Variants in C8A observed in about 807,000 individuals in gnomAD.
C8A encodes complement component C8 alpha chain.
A neutral mutation model predicts 65.3 loss-of-function variants in C8A; 67 were observed. The observed-to-expected ratio is 1.03, with a 90% CI of 0.84 to 1.26. The LOEUF (loss-of-function observed/expected upper bound fraction) is 1.26. Ranked by LOEUF, C8A falls within the 50% of genes most tolerant of loss-of-function variation. The pLI is 0.00. For synonymous variants in C8A, 290 were observed against 259.4 expected (o/e 1.12, Z -1.13); for missense variants, 781 against 723.9 (o/e 1.08, Z -0.90).
At chr1:56,907,742 C>G (rs1217290159) in intron 8 of C8A, among the ~76,000 whole-genome samples, 1 of 152,222 alleles carries the variant, frequency 6.6e-6, no homozygotes, top group Admixed American at 6.5e-5. Flanking sequence ...GGGCTGTCCT[C>G]TCAGTATTTC....
At chr1:56,899,027 C>G (rs1466066885) in intron 7 of C8A, among the ~76,000 whole-genome samples, 1 of 152,130 alleles carries the variant, frequency 6.6e-6, no homozygotes, top group African/African-American at 2.4e-5. Flanking sequence ...CCCGAACAGA[C>G]AGTCACTAGA....
chr1:56,855,403 T>C (rs1156303601), intron 1 of C8A, among the ~76,000 whole-genome samples: 2 of 152,160 alleles, frequency 1.3e-5, no homozygotes, highest in Non-Finnish European at 2.9e-5. Flanking sequence ...CTTTCTTATC[T>C]GTAAAAGAGC....
chr1:56,912,675 G>T (rs757554878), intron 10 of C8A, 50 bp downstream of exon 10: 7 of 1,566,592 alleles, frequency 4.5e-6, no homozygotes, highest in Non-Finnish European at 5.3e-6. Context: ...AGCTCAAAGG[G>T]GCCAGTGCAA....
intron 9 of C8A, among the ~76,000 whole-genome samples, chr1:56,909,631 A>T (rs540923952): frequency 3.3e-5 from 5 of 152,330 alleles, no homozygotes; most frequent in African/African-American, 9.6e-5. Context: ...CATTTGGAGA[A>T]GACCACTACA....
intron 7 of C8A, among the ~76,000 whole-genome samples, chr1:56,901,185 A>ATAGACTATTAGATTCTC (rs1644424160): frequency 6.6e-6 from 1 of 152,172 alleles, no homozygotes; most frequent in Admixed American, 6.5e-5. Flanking sequence ...ATGATAGAAA[A>ATAGACTATTAGATTCTC]TAGACTATTA....
At chr1:56,916,446 T>C (rs1330192365) in intron 10 of C8A, among the ~76,000 whole-genome samples, 1 of 152,120 alleles carries the variant, frequency 6.6e-6, no homozygotes, top group African/African-American at 2.4e-5. Flanking sequence ...AACCTTTGCC[T>C]ATGGAGACTG....
chr1:56,877,017 G>A (rs1002813570), intron 4 of C8A, among the ~76,000 whole-genome samples: 3 of 152,122 alleles, frequency 2.0e-5, no homozygotes, highest in Non-Finnish European at 2.9e-5. Flanking sequence ...CATAGGGTAG[G>A]ACCCTAATTC....
intron 7 of C8A, among the ~76,000 whole-genome samples, chr1:56,905,498 G>A (rs753343515): frequency 7.2e-5 from 11 of 152,024 alleles, no homozygotes; most frequent in African/African-American, 1.2e-4. Context: ...TACTGAACAC[G>A]GCACACACCA....
intron 9 of C8A, among the ~76,000 whole-genome samples, chr1:56,908,391 A>G (rs1044259970): frequency 1.4e-4 from 22 of 152,338 alleles, no homozygotes; most frequent in Middle Eastern, 3.4e-3. Context: ...CATTAGGCAA[A>G]TCATGATTTT....
intron 7 of C8A, among the ~76,000 whole-genome samples, chr1:56,888,530 G>A (rs1644318945): frequency 1.3e-5 from 2 of 151,948 alleles, no homozygotes; most frequent in South Asian, 4.2e-4. Flanking sequence ...AACAACAAAG[G>A]ACAGAATAGA....
At chr1:56,889,035 C>T (rs778384418) in intron 7 of C8A, among the ~76,000 whole-genome samples, 1 of 151,918 alleles carries the variant, frequency 6.6e-6, no homozygotes, top group African/African-American at 2.4e-5. Context: ...ATCTGGTGGC[C>T]CCTCCTCTTT....
intron 1 of C8A, among the ~76,000 whole-genome samples, chr1:56,867,040 T>C (rs1011172207): frequency 6.6e-5 from 10 of 152,196 alleles, no homozygotes; most frequent in Admixed American, 1.3e-4. Context: ...ATAATATTTA[T>C]CTCCAAGGAT....
intron 7 of C8A, among the ~76,000 whole-genome samples, chr1:56,886,781 C>T (rs1458610171): frequency 2.6e-5 from 4 of 152,288 alleles, no homozygotes; most frequent in South Asian, 2.1e-4. Flanking sequence ...TATATCACTT[C>T]CTTGCTTAAT....
At chr1:56,889,212 A>G (rs1482732476) in intron 7 of C8A, among the ~76,000 whole-genome samples, 2 of 152,194 alleles carry the variant, frequency 1.3e-5, no homozygotes, top group Non-Finnish European at 2.9e-5. Context: ...AAATCCGGAA[A>G]GTTAGTGTTG....
intron 1 of C8A, among the ~76,000 whole-genome samples, chr1:56,865,853 A>C (rs549257678): frequency 2.0e-5 from 3 of 152,214 alleles, no homozygotes; most frequent in Non-Finnish European, 4.4e-5. Flanking sequence ...TTATACAGTG[A>C]AATGCATTAA....
At chr1:56,894,816 A>G (rs1644375895) in intron 7 of C8A, among the ~76,000 whole-genome samples, 1 of 152,106 alleles carries the variant, frequency 6.6e-6, no homozygotes. Context: ...GGCTCATAGA[A>G]AGTAAGGGGG....
chr1:56,896,263 C>A (rs1036468669), intron 7 of C8A, among the ~76,000 whole-genome samples: 1 of 152,024 alleles, frequency 6.6e-6, no homozygotes, highest in African/African-American at 2.4e-5. Context: ...TGAATTGGTT[C>A]ATGTGATATG....
At chr1:56,862,987 T>C (rs903223687) in intron 1 of C8A, among the ~76,000 whole-genome samples, 10 of 152,276 alleles carry the variant, frequency 6.6e-5, no homozygotes, top group Admixed American at 5.2e-4. Flanking sequence ...AACTGGGGAC[T>C]CAATAATCTA....
At chr1:56,892,661 G>A (rs1397518250) in intron 7 of C8A, among the ~76,000 whole-genome samples, 1 of 151,970 alleles carries the variant, frequency 6.6e-6, no homozygotes, top group African/African-American at 2.4e-5. Context: ...AAGCAGACAT[G>A]CAGAATGAGA....
Sources: gnomAD v4.1 joint callset for allele counts (sites outside exome capture counted in the v4.1 genomes callset) on GRCh38, gnomAD v4.1.1 for gene constraint, MANE v1.5 for transcripts, NCBI Gene and HGNC (gene_info 2026-07-23, HGNC 2026-07-21) for gene names.